EYS: variants seen among roughly 807,000 people sequenced by gnomAD.
EYS encodes the protein EGF-like photoreceptor maintenance factor, also known as protein eyes shut homolog.
A neutral mutation model predicts 282.1 loss-of-function variants in EYS; 250 were observed. That is an observed-to-expected ratio of 0.89 (90% CI 0.80 to 0.98). EYS has a LOEUF of 0.98. EYS is among the 50% of genes least tolerant of loss of function. The pLI is 0.00. For missense variants in EYS, 4,016 were observed against 3,709.0 expected, an observed-to-expected ratio of 1.08 and a Z score of -2.15; for synonymous variants, 1,355 against 1,282.9, an observed-to-expected ratio of 1.06 and a Z score of -1.20.
intron 19 of EYS, among the ~76,000 whole-genome samples, chr6:64,846,382 C>T (rs376418084): frequency 1.3e-5 from 2 of 151,940 alleles, no homozygotes; most frequent in African/African-American, 4.8e-5. Flanking sequence ...AACTGAGGCT[C>T]TATTAGTTAC....
At chr6:63,891,023 C>T (rs1227504968) in intron 35 of EYS, among the ~76,000 whole-genome samples, 1 of 152,104 alleles carries the variant, frequency 6.6e-6, no homozygotes, top group Non-Finnish European at 1.5e-5. Context: ...ATACAGCCTC[C>T]CAAGACTAAA....
At chr6:64,608,855 A>G (rs553317328) in intron 24 of EYS, among the ~76,000 whole-genome samples, 1 of 152,316 alleles carries the variant, frequency 6.6e-6, no homozygotes, top group Admixed American at 6.5e-5. Context: ...TACAAATGCA[A>G]AACTATGAAG....
chr6:63,772,122 C>A (rs1479277241), intron 40 of EYS, among the ~76,000 whole-genome samples: 1 of 149,400 alleles, frequency 6.7e-6, no homozygotes, highest in Non-Finnish European at 1.5e-5. Flanking sequence ...GTTTCTAAAT[C>A]TTTTTAGCAG....
rs1473381782 is a variant in EYS, at chr6:65,408,829, G to A, written c.863-3462C>T. Among the ~76,000 whole-genome samples, 6 of 152,188 alleles carry A rather than the reference G, an allele frequency of 3.9e-5. No individual in the cohort carries two copies. In the East Asian group the frequency reaches 1.2e-3, roughly 29 times the overall value. On this transcript the variant is annotated intron_variant, in intron 5 of 42. Transcript: ENST00000503581. Reference sequence around the variant, plus strand: ...TTGATTTGAGAGTTCTTTTTCTGGTGTAGAAACTTGGAACTATAAGCACTG... The same window carrying A: ...TTGATTTGAGAGTTCTTTTTCTGGTATAGAAACTTGGAACTATAAGCACTG...
Position 64,367,670 on chromosome 6 carries a change from G to A in EYS, c.6078+21020C>T, listed in dbSNP as rs115333133. ...TTTTACATTGTGAATGGGGTCTACG[G>A]GGATGAGATAATGTATTCTATATTG... On this transcript the variant is annotated intron_variant, in intron 29 of 42. Transcript: ENST00000503581. Among the ~76,000 whole-genome samples, 363 of 152,126 alleles carry A rather than the reference G, an allele frequency of 2.4e-3. 1 individual carries two copies. Among genetic ancestry groups the A allele is most frequent in the African/African-American group, 8.4e-3 (348 of 41,530 alleles).
chr6:64,305,255 AG>A (rs1769394937), intron 30 of EYS, among the ~76,000 whole-genome samples: 1 of 152,226 alleles, frequency 6.6e-6, no homozygotes, highest in Non-Finnish European at 1.5e-5. Context: ...CATTGCTGAA[AG>A]AAATAGAGAC....
At chr6:64,619,179 A>G (rs568329187) in intron 23 of EYS, among the ~76,000 whole-genome samples, 1 of 152,318 alleles carries the variant, frequency 6.6e-6, no homozygotes, top group Non-Finnish European at 1.5e-5. Flanking sequence ...CATTTATTAC[A>G]GTGTATTTTG....
intron 31 of EYS, among the ~76,000 whole-genome samples, chr6:64,217,647 A>G (rs1189499976): frequency 6.6e-6 from 1 of 152,178 alleles, no homozygotes; most frequent in Non-Finnish European, 1.5e-5. Flanking sequence ...AACATCTATA[A>G]GAGGCCTTTT....
intron 12 of EYS, among the ~76,000 whole-genome samples, chr6:65,126,795 A>G (rs2150199700): frequency 6.6e-6 from 1 of 152,256 alleles, no homozygotes; most frequent in South Asian, 2.1e-4. Flanking sequence ...AACTGATGAA[A>G]AAGTGCTGGC....
rs71002313 is a variant in EYS at position 65,512,492 on chromosome 6, CA to C, written c.-332-16500del. ...TGGGCGACAGAGCGAGACTCTATCT[CA>C]AAAAAAAAAAAAAAAAAAAATTACA... is the stretch of plus-strand genomic sequence containing the variant. On this transcript the variant is annotated intron_variant, in intron 2 of 42. Coordinates refer to ENST00000503581, the MANE Select transcript of EYS (RefSeq NM_001142800.2). Among the ~76,000 whole-genome samples, 922 of 117,728 alleles carry C rather than the reference CA, an allele frequency of 7.8e-3. 8 individuals are homozygous for C. The highest frequency in any genetic ancestry group is 0.035 in the East Asian group (147 of 4,212). The allele number at this position is 117,728 out of a possible 152,430, so 77.2% of individuals were successfully genotyped here. A position where few individuals can be genotyped will look rare whatever the true frequency, so the allele number is the denominator to read the frequency against.
intron 19 of EYS, among the ~76,000 whole-genome samples, chr6:64,842,114 C>T (rs1286679817): frequency 6.6e-6 from 1 of 151,976 alleles, no homozygotes; most frequent in African/African-American, 2.4e-5. Context: ...GTAAAACTAA[C>T]ATACAGGGCA....
chr6:64,119,883 C>G (rs1340809510), intron 31 of EYS, among the ~76,000 whole-genome samples: 1 of 152,022 alleles, frequency 6.6e-6, no homozygotes, highest in African/African-American at 2.4e-5. Context: ...CTTTTTGGAT[C>G]CTTAAAAAAT....
chr6:65,263,045 T>C (rs898329719), intron 12 of EYS, among the ~76,000 whole-genome samples: 2 of 152,048 alleles, frequency 1.3e-5, no homozygotes, highest in African/African-American at 4.8e-5. Context: ...CAGCGAATTG[T>C]AAACAATGCA....
chr6:63,774,376 C>T (rs946835654), intron 40 of EYS, among the ~76,000 whole-genome samples: 1 of 152,058 alleles, frequency 6.6e-6, no homozygotes, highest in Non-Finnish European at 1.5e-5. Context: ...GCCATGTTGA[C>T]CAGGCTGGTC....
In EYS at chr6:63,877,971, T is replaced by C. The variant is rs557873673; in HGVS notation, c.7056-13613A>G. 3.1e-3 allele frequency among the ~76,000 whole-genome samples: 469 copies of C among 152,354 alleles called. 3 individuals are homozygous for C. Among genetic ancestry groups the C allele is most frequent in the Middle Eastern group, 6.8e-3 (2 of 294 alleles). ...ACCGATCATCTGAAGCCTTCTTCTC[T>C]CAACTCGTCAAAATAATTCTCCATC... On this transcript the variant is annotated intron_variant, in intron 35 of 42. Coordinates refer to ENST00000503581, the MANE Select transcript of EYS (RefSeq NM_001142800.2).
intron 2 of EYS, among the ~76,000 whole-genome samples, chr6:65,575,787 A>C (rs909867562): frequency 1.3e-5 from 2 of 152,106 alleles, no homozygotes; most frequent in African/African-American, 2.4e-5. Context: ...CAGAAATATA[A>C]AGGATCTTGA....
At chr6:65,509,404 G>A (rs1043516678) in intron 2 of EYS, among the ~76,000 whole-genome samples, 1 of 152,140 alleles carries the variant, frequency 6.6e-6, no homozygotes, top group Non-Finnish European at 1.5e-5. Flanking sequence ...CTTGGTATGG[G>A]TGGTCTTTTT....
chr6:64,175,190 A>C (rs2150308928), intron 31 of EYS, among the ~76,000 whole-genome samples: 2 of 152,272 alleles, frequency 1.3e-5, no homozygotes, highest in African/African-American at 4.8e-5. Context: ...TACTGGCATA[A>C]ATGTAACTCA....
intron 26 of EYS, among the ~76,000 whole-genome samples, chr6:64,462,274 G>C (rs1245293564): frequency 1.3e-5 from 2 of 152,144 alleles, no homozygotes; most frequent in Non-Finnish European, 1.5e-5. Flanking sequence ...ATAATGCTTA[G>C]AGAATAAATT....
Sources: gnomAD v4.1 joint callset for allele counts (sites outside exome capture counted in the v4.1 genomes callset) on GRCh38, gnomAD v4.1.1 for gene constraint, MANE v1.5 for transcripts, NCBI Gene and HGNC (gene_info 2026-07-23, HGNC 2026-07-21) for gene names.